Variants in CORO1B observed in about 807,000 individuals in gnomAD.
CORO1B encodes the protein coronin 1B.
CORO1B carries 30 observed loss-of-function variants against 51.1 expected under a neutral mutation model. The ratio of observed to expected loss-of-function variants is 0.59; its 90% CI spans 0.44 to 0.80. The LOEUF is 0.80. Among genes scored for constraint, CORO1B ranks in the 30% least tolerant of loss-of-function variants. CORO1B has a pLI of 0.00. For missense variants in CORO1B, 648 were observed against 700.4 expected (o/e 0.93, Z 0.84); for synonymous variants, 310 against 289.7 (o/e 1.07, Z -0.71).
upstream of CORO1B, chr11:67,443,788 A>G: frequency 9.1e-6 from 9 of 985,314 alleles, no homozygotes; most frequent in South Asian, 4.7e-5. Context: ...CTTGCTCCTC[A>G]TAATGGCATC....
chr11:67,438,720 G>A lies in CORO1B; in HGVS notation c.1295C>T (p.Thr432Ile). The A allele has an allele frequency of 2.8e-5, 43 of 1,558,022 alleles. No homozygotes were observed. Among genetic ancestry groups the A allele is most frequent in the Non-Finnish European group, 3.7e-5 (43 of 1,154,830 alleles). ...GSSHLGAPAS[T>I]TTAADATPSG... ...GGGGGTGGCATCAGCAGCAGTGGTG[G>A]TGGAGGCGGGGGCCCCTAGGTGGGA... The change falls in exon 10 of 11, where the codon ACC becomes ATC. Residue 432 changes from threonine (T) to isoleucine (I), a missense_variant. Coordinates refer to ENST00000341356, the MANE Select transcript of CORO1B (RefSeq NM_020441.3).
At chr11:67,440,467 G>A in intron 6 of CORO1B, 28 bp from the exon 7 acceptor site, 1 of 1,604,512 alleles carries the variant, frequency 6.2e-7, no homozygotes, top group Non-Finnish European at 8.5e-7. Flanking sequence ...GTCAGGCCAA[G>A]CAGAACCTCC....
rs1864267708 is a variant in CORO1B, at chr11:67,436,123, GC to G, written c.*2252del. 5 of 1,595,566 alleles carry G rather than the reference GC, an allele frequency of 3.1e-6. No individual in the cohort carries two copies. Among genetic ancestry groups the G allele is most frequent in the Non-Finnish European group, 4.3e-6 (5 of 1,171,028 alleles). Reference sequence around the variant, plus strand: ...GGCTGGCCCAGAGCAGGCGCCGCGTGCGGCCCCACAGCGCGGCACCTAGGCG... The same window carrying G: ...GGCTGGCCCAGAGCAGGCGCCGCGTGGGCCCCACAGCGCGGCACCTAGGCG... On this transcript the variant is annotated 3_prime_UTR_variant, in exon 11 of 11. Transcript: ENST00000341356.
chr11:67,439,983 G>T (rs986705895), intron 8 of CORO1B, 135 bp downstream of exon 8: 64 of 1,406,490 alleles, frequency 4.6e-5, no homozygotes, highest in Non-Finnish European at 5.6e-5. Context: ...ACCCCCACAC[G>T]GGCTGCCTCG....
rs1228568484 is a variant in CORO1B at position 67,441,418 on chromosome 11, C to T, written c.551G>A (p.Trp184Ter). 1.2e-6 allele frequency: 2 copies of T among 1,613,808 alleles called. No homozygotes were observed. Among genetic ancestry groups the T allele is most frequent in the Non-Finnish European group, 1.7e-6 (2 of 1,180,046 alleles). Residue 184 changes from tryptophan to a stop codon, truncating the protein, a stop_gained, in exon 5 of 11, where the codon TGG becomes TAG. Coordinates refer to ENST00000341356, the MANE Select transcript of CORO1B (RefSeq NM_020441.3). LOFTEE classifies it high-confidence loss of function. Reference sequence around the variant, plus strand: ...GCAAAACAGGCTGCCATTGTGGTTCCAGCTGACATTGTAGATGAGGTCAGG... The same window carrying T: ...GCAAAACAGGCTGCCATTGTGGTTCTAGCTGACATTGTAGATGAGGTCAGG... Reference protein sequence around the residue: ...LHPDLIYNVSWNHNGSLFCSA... With the variant: ...LHPDLIYNVS
chr11:67,440,489 T>C (rs1565153108), intron 6 of CORO1B, 50 bp from the exon 7 acceptor site: 1 of 1,564,332 alleles, frequency 6.4e-7, no homozygotes, highest in Non-Finnish European at 8.8e-7. Flanking sequence ...CACCCCCTAA[T>C]CCCAAACCAG....
chr11:67,441,275 G>T (rs367892878), intron 5 of CORO1B, 31 bp from the exon 6 acceptor site: 1 of 1,612,462 alleles, frequency 6.2e-7, no homozygotes, highest in Non-Finnish European at 8.5e-7. Context: ...TCAGTGCAGC[G>T]CCCTGCTCAA....
In CORO1B at chr11:67,438,826, C is replaced by T. The variant is rs566835109; in HGVS notation, c.1189G>A (p.Val397Met). ...PILISLREAY[V>M]PSKQRDLKIS... is the part of the protein sequence containing the mutation. ...TTCAGGTCCCGCTGCTTGCTGGGCA[C>T]GTAGGCCTCCCGCAGTGAGATGAGG... Residue 397 changes from valine to methionine, a missense_variant, in exon 10 of 11, where the codon GTG becomes ATG. Coordinates refer to ENST00000341356, the MANE Select transcript of CORO1B (RefSeq NM_020441.3). 4.4e-6 allele frequency: 7 copies of T among 1,608,914 alleles called. No individual in the cohort carries two copies. The highest frequency in any genetic ancestry group is 2.7e-5 in the African/African-American group (2 of 75,038).
intron 9 of CORO1B, 117 bp from the exon 10 acceptor site, chr11:67,439,066 G>T: frequency 8.2e-7 from 1 of 1,212,912 alleles, no homozygotes; most frequent in Non-Finnish European, 1.1e-6. Context: ...GGCCTGGAAA[G>T]CTCAAATCTG....
chr11:67,439,586 C>T (rs556258486), intron 9 of CORO1B, among the ~76,000 whole-genome samples, 200 bp downstream of exon 9: 1 of 152,320 alleles, frequency 6.6e-6, no homozygotes, highest in African/African-American at 2.4e-5. Context: ...CCCCTGCTCA[C>T]CCTCTGTCTC....
rs762876714 is a variant in CORO1B at position 67,436,193 on chromosome 11, CAGGCCAGTGCT to C, written c.*2172_*2182del. The C allele has an allele frequency of 4.5e-6, 7 of 1,552,900 alleles. No homozygotes were observed. The highest frequency in any genetic ancestry group is 2.4e-5 in the East Asian group (1 of 41,390). On this transcript the variant is annotated 3_prime_UTR_variant, in exon 11 of 11. Coordinates refer to ENST00000341356, the MANE Select transcript of CORO1B (RefSeq NM_020441.3). ...CCCTGAGTCACGGCTGAGGCGGCGC[CAGGCCAGTGCT>C]AGGCCAGTGGCCAGCAGTAGGAGCA...
rs764775394 is a variant in CORO1B, at chr11:67,436,138, G to A, written c.*2238C>T. Reference sequence around the variant, plus strand: ...GGCGCCGCGTGCGGCCCCACAGCGCGGCACCTAGGCGGGCCGGGTGGTAGT... The same window carrying A: ...GGCGCCGCGTGCGGCCCCACAGCGCAGCACCTAGGCGGGCCGGGTGGTAGT... On this transcript the variant is annotated 3_prime_UTR_variant, in exon 11 of 11. Transcript: ENST00000341356. 6.7e-5 allele frequency: 106 copies of A among 1,579,714 alleles called. No homozygotes were observed. The highest frequency in any genetic ancestry group is 9.1e-5 in the Admixed American group (5 of 54,718).
chr11:67,438,593 G>A (rs921244054), intron 10 of CORO1B, 78 bp downstream of exon 10: 2 of 1,536,780 alleles, frequency 1.3e-6, no homozygotes, highest in Non-Finnish European at 1.8e-6. Context: ...GAGAGGGACA[G>A]CGAATGGCTG....
intron 9 of CORO1B, 31 bp from the exon 10 acceptor site, chr11:67,438,980 G>T (rs767831794): frequency 2.5e-6 from 4 of 1,574,902 alleles, no homozygotes; most frequent in Non-Finnish European, 3.5e-6. Context: ...GTCAGGATCA[G>T]TTAGGAGGCC....
In CORO1B at chr11:67,438,095, C is replaced by G. The variant is rs1479740640; in HGVS notation, c.*281G>C. The G allele has an allele frequency of 2.5e-6, 1 of 400,858 alleles. No homozygotes were observed. Among genetic ancestry groups the G allele is most frequent in the Non-Finnish European group, 4.4e-6 (1 of 226,470 alleles). The allele number at this position is 400,858 out of a possible 1,614,324, so 24.8% of individuals were successfully genotyped here. ...TTTGGAATGAAAATATAGAGCCCACCCTCCCGCCTCCTCTGGGGAGGGAGC... is the reference window on the plus strand; with the variant it reads ...TTTGGAATGAAAATATAGAGCCCACGCTCCCGCCTCCTCTGGGGAGGGAGC... On this transcript the variant is annotated 3_prime_UTR_variant, in exon 11 of 11. Transcript: ENST00000341356.
chr11:67,439,699 T>G (rs1864358184), intron 9 of CORO1B, 87 bp downstream of exon 9: 2 of 1,325,732 alleles, frequency 1.5e-6, no homozygotes, highest in Admixed American at 3.9e-5. Flanking sequence ...TAGGTCATGT[T>G]CCATTCACAG....
In CORO1B at chr11:67,442,059, C is replaced by T. The variant is rs567987315; in HGVS notation, c.231G>A (p.Thr77=). 3.4e-5 allele frequency: 55 copies of T among 1,612,868 alleles called. 1 individual carries two copies. The highest frequency in any genetic ancestry group is 3.4e-4 in the South Asian group (31 of 91,080). Residue 77 remains threonine, a synonymous_variant, in exon 3 of 11, where the codon ACG becomes ACA. Transcript: ENST00000341356. ...KTGRIDKAYP[T]VCGHTGPVLD... is the part of the protein sequence containing the mutation. ...GGACAGGTCCCGTGTGCCCACACAC[C>T]GTCGGGTAGGCCTTGTCAATGCGGC...
Position 67,437,261 on chromosome 11 carries a change from C to G in CORO1B, c.*1115G>C, listed in dbSNP as rs1024263529. 4.1e-6 allele frequency: 1 copy of G among 242,022 alleles called. No homozygotes were observed. The highest frequency in any genetic ancestry group is 2.2e-5 in the African/African-American group (1 of 44,488). The allele number at this position is 242,022 out of a possible 1,614,324, so 15.0% of individuals were successfully genotyped here. On this transcript the variant is annotated 3_prime_UTR_variant, in exon 11 of 11. Transcript: ENST00000341356. ...AGAGGAAGTCTGCGGTCGGAACAGG[C>G]TAGGTGGGGGGTGTCGGGGGAGGGG...
At position 67,435,847 on chromosome 11, in the gene CORO1B, T is replaced by C. The variant is rs1429000789; in HGVS notation, c.*2529A>G. 6.2e-7 allele frequency: 1 copy of C among 1,609,470 alleles called. No individual in the cohort carries two copies. Among genetic ancestry groups the C allele is most frequent in the Non-Finnish European group, 8.5e-7 (1 of 1,179,252 alleles). On this transcript the variant is annotated 3_prime_UTR_variant, in exon 11 of 11. Transcript: ENST00000341356. ...TCAGCAGGGCCTCAGCACTGCCCCC[T>C]GCGCTCGCTGGTCCTGGGGAGCCGA...
Sources: allele counts gnomAD v4.1 joint callset (sites outside exome capture counted in the v4.1 genomes callset), GRCh38; gene constraint gnomAD v4.1.1; transcripts MANE v1.5; gene names NCBI Gene and HGNC (gene_info 2026-07-23, HGNC 2026-07-21).